The following KCNN3 variants were observed in gnomAD, a reference collection of about 807,000 sequenced individuals.
KCNN3 encodes the protein potassium calcium-activated channel subfamily N member 3.
Under a neutral mutation model 62.9 loss-of-function variants are expected in KCNN3, and 16 were observed. The ratio of observed to expected loss-of-function variants is 0.25; its 90% CI spans 0.17 to 0.39. The LOEUF is 0.39. Ranked by LOEUF, KCNN3 falls within the 10% of genes least tolerant of loss-of-function variation. The probability of loss-of-function intolerance (pLI) is 1.00; values close to 1 mark genes in which losing one functional copy is unlikely to be tolerated. For missense variants in KCNN3, 599 were observed against 949.4 expected (o/e 0.63, Z 4.85); for synonymous variants, 370 against 389.2 (o/e 0.95, Z 0.58).
chr1:154,845,434 T>C (rs898926828), intron 1 of KCNN3, among the ~76,000 whole-genome samples: 1 of 152,170 alleles, frequency 6.6e-6, no homozygotes, highest in African/African-American at 2.4e-5. Context: ...TGGAACCAGA[T>C]GCACCTGCAT....
chr1:154,774,753 G>T (rs1180123028), intron 2 of KCNN3, among the ~76,000 whole-genome samples: 2 of 152,198 alleles, frequency 1.3e-5, no homozygotes, highest in Non-Finnish European at 2.9e-5. Flanking sequence ...CTCCAAAGCT[G>T]GTTATGATTG....
chr1:154,819,261 G>A (rs1339498794), intron 2 of KCNN3, among the ~76,000 whole-genome samples: 1 of 152,122 alleles, frequency 6.6e-6, no homozygotes, highest in Admixed American at 6.5e-5. Flanking sequence ...CAAGATTGGG[G>A]GGCTAAGTAA....
chr1:154,747,597 C>T (rs1700967597), intron 3 of KCNN3, among the ~76,000 whole-genome samples: 1 of 152,068 alleles, frequency 6.6e-6, no homozygotes, highest in Non-Finnish European at 1.5e-5. Flanking sequence ...AAGGAAGGGC[C>T]GGGACTCCAG....
Position 154,804,553 on chromosome 1 carries a change from C to A in KCNN3, c.1029+17536G>T, listed in dbSNP as rs962031357. On this transcript the variant is annotated intron_variant, in intron 2 of 7. Coordinates refer to ENST00000271915, the MANE Select transcript of KCNN3 (RefSeq NM_002249.6). ...TTACCAGCCCTCTCCCTCCCAAGAC[C>A]ATGAACTATTTGAAGGCAGAGAACA... Among the ~76,000 whole-genome samples the A allele has an allele frequency of 2.6e-5, 4 of 152,298 alleles. No homozygotes were observed. The East Asian group carries it at 7.7e-4, about 29-fold the overall frequency.
At chr1:154,866,715 G>A (rs546675535) in intron 1 of KCNN3, among the ~76,000 whole-genome samples, 19 of 152,234 alleles carry the variant, frequency 1.2e-4, no homozygotes, top group Admixed American at 2.0e-4. Context: ...GGAAGTGGCC[G>A]CTGAGGCAAG....
At position 154,762,624 on chromosome 1, in the gene KCNN3, A is replaced by C. The variant is rs536230888; in HGVS notation, c.1448+9351T>G. Among the ~76,000 whole-genome samples the C allele has an allele frequency of 5.3e-5, 8 of 152,302 alleles. No individual in the cohort carries two copies. The East Asian group carries it at 1.3e-3, about 26-fold the overall frequency. On this transcript the variant is annotated intron_variant, in intron 3 of 7. Coordinates refer to ENST00000271915, the MANE Select transcript of KCNN3 (RefSeq NM_002249.6). ...TAACATTTGCTCTTTAAATAAGTTC[A>C]TATTTTTTGAGGGACTGAAATCTAA...
At chr1:154,803,812 A>G (rs1454030960) in intron 2 of KCNN3, among the ~76,000 whole-genome samples, 1 of 152,198 alleles carries the variant, frequency 6.6e-6, no homozygotes, top group African/African-American at 2.4e-5. Context: ...TGGAGGGGAC[A>G]GGAAGGAGGC....
At chr1:154,752,771 A>G (rs1277494546) in intron 3 of KCNN3, among the ~76,000 whole-genome samples, 1 of 152,122 alleles carries the variant, frequency 6.6e-6, no homozygotes, top group East Asian at 1.9e-4. Context: ...GCAACTCCAC[A>G]CTATGGTGGG....
chr1:154,746,486 G>A (rs570104106), intron 3 of KCNN3, among the ~76,000 whole-genome samples: 1 of 152,258 alleles, frequency 6.6e-6, no homozygotes, highest in South Asian at 2.1e-4. Flanking sequence ...GGCACAGCTG[G>A]CCTGCACTGT....
intron 2 of KCNN3, among the ~76,000 whole-genome samples, chr1:154,787,461 C>T (rs1649330733): frequency 1.3e-5 from 2 of 152,186 alleles, no homozygotes; most frequent in African/African-American, 2.4e-5. Flanking sequence ...TGGGGTACAG[C>T]GGAGATCAGG....
chr1:154,727,370 T>G (rs1700493337), intron 4 of KCNN3, among the ~76,000 whole-genome samples: 1 of 152,230 alleles, frequency 6.6e-6, no homozygotes, highest in Non-Finnish European at 1.5e-5. Context: ...AGAATGTTTT[T>G]CAAAGGTACT....
At chr1:154,714,559 GTGTGTGTGGT>G (rs1700186611) in intron 6 of KCNN3, among the ~76,000 whole-genome samples, 2 of 98,254 alleles carry the variant, frequency 2.0e-5, no homozygotes, top group Admixed American at 1.2e-4. Context: ...TGTGTGTGGT[GTGTGTGTGGT>G]GTGTGTGTGT....
rs1165372487 is a variant in KCNN3, at chr1:154,706,429, C to T, written c.*1547G>A. The stretch of plus-strand genomic sequence containing the variant: ...ATTTCCCACAGGCAGAAACCAAAGA[C>T]CTCAGAATGAGAAAGTCATGGTTTT... On this transcript the variant is annotated 3_prime_UTR_variant, in exon 8 of 8. Transcript: ENST00000271915. The T allele has an allele frequency of 6.6e-6, 1 of 152,208 alleles. No homozygotes were observed. The highest frequency in any genetic ancestry group is 1.5e-5 in the Non-Finnish European group (1 of 68,036). The allele number at this position is 152,208 out of a possible 1,614,324, so 9.4% of individuals were successfully genotyped here. A position where few individuals can be genotyped will look rare whatever the true frequency, so the allele number is the denominator to read the frequency against.
chr1:154,728,295 C>G (rs960977583), intron 4 of KCNN3, among the ~76,000 whole-genome samples: 15 of 152,184 alleles, frequency 9.9e-5, no homozygotes, highest in African/African-American at 3.4e-4. Flanking sequence ...GATGACACTT[C>G]CCAGTTTCTT....
intron 3 of KCNN3, among the ~76,000 whole-genome samples, chr1:154,744,336 T>C (rs1700892927): frequency 6.6e-6 from 1 of 152,182 alleles, no homozygotes; most frequent in South Asian, 2.1e-4. Flanking sequence ...AGTGCAAAGC[T>C]CCAGTGCGTA....
At chr1:154,823,093 G>C (rs2101895388) in intron 1 of KCNN3, among the ~76,000 whole-genome samples, 1 of 152,340 alleles carries the variant, frequency 6.6e-6, no homozygotes, top group Non-Finnish European at 1.5e-5. Context: ...TGTATGCAAA[G>C]TGCCCAGAAC....
intron 1 of KCNN3, among the ~76,000 whole-genome samples, chr1:154,861,895 G>A (rs1220756923): frequency 3.3e-5 from 5 of 152,112 alleles, no homozygotes; most frequent in East Asian, 1.9e-4. Context: ...GAAGGGACTC[G>A]ACAAAGATCA....
In KCNN3 at chr1:154,703,347, G is replaced by A. The variant is rs1699903614; in HGVS notation, c.*4629C>T. 6.6e-6 allele frequency: 1 copy of A among 152,096 alleles called. No homozygotes were observed. Among genetic ancestry groups the A allele is most frequent in the South Asian group, 2.1e-4 (1 of 4,812 alleles). The allele number at this position is 152,096 out of a possible 1,614,324, so 9.4% of individuals were successfully genotyped here. A position where few individuals can be genotyped will look rare whatever the true frequency, so the allele number is the denominator to read the frequency against. On this transcript the variant is annotated 3_prime_UTR_variant, in exon 8 of 8. Coordinates refer to ENST00000271915, the MANE Select transcript of KCNN3 (RefSeq NM_002249.6). ...AGGATACTGTCTGGGGCGTCATCAA[G>A]CCCACCGACTGCAAGGGGAGAGAAG... is the stretch of plus-strand genomic sequence containing the variant.
At chr1:154,732,817 T>G (rs1490876965) in intron 4 of KCNN3, among the ~76,000 whole-genome samples, 186 bp downstream of exon 4, 1 of 152,170 alleles carries the variant, frequency 6.6e-6, no homozygotes, top group Non-Finnish European at 1.5e-5. Context: ...AAAAGTTAAC[T>G]GAAAAGTGAG....
Sources: allele counts gnomAD v4.1 joint callset (sites outside exome capture counted in the v4.1 genomes callset), GRCh38; gene constraint gnomAD v4.1.1; transcripts MANE v1.5; gene names NCBI Gene and HGNC (gene_info 2026-07-23, HGNC 2026-07-21).